The following BRINP3 variants were observed in gnomAD, a reference collection of about 807,000 sequenced individuals.
BRINP3 encodes BMP/retinoic acid-inducible neural-specific protein 3.
Under a neutral mutation model 71.0 loss-of-function variants are expected in BRINP3, and 19 were observed. The observed-to-expected ratio is 0.27, with a 90% CI of 0.19 to 0.39. The LOEUF (loss-of-function observed/expected upper bound fraction) is 0.39. BRINP3 is among the 10% of genes least tolerant of loss of function. The pLI is 1.00. For missense variants in BRINP3, 959 were observed against 940.8 expected (o/e 1.02, Z -0.25); for synonymous variants, 380 against 337.7 (o/e 1.13, Z -1.37).
Position 190,419,384 on chromosome 1 carries a change from A to C in BRINP3, c.236+35271T>G, listed in dbSNP as rs184538298. Among the ~76,000 whole-genome samples, 573 of 152,196 alleles carry C rather than the reference A, an allele frequency of 3.8e-3. 4 individuals carry two copies. The highest frequency in any genetic ancestry group is 0.013 in the African/African-American group (554 of 41,554). ...AAACATAAAATGTATATGAATTTTA[A>C]GTTTAAATTATTGGTCACATTTATC... On this transcript the variant is annotated intron_variant, in intron 2 of 7. Transcript: ENST00000367462.
At chr1:190,359,206 C>A (rs1344744406) in intron 2 of BRINP3, among the ~76,000 whole-genome samples, 1 of 151,672 alleles carries the variant, frequency 6.6e-6, no homozygotes, top group Non-Finnish European at 1.5e-5. Context: ...GCTATTAAAA[C>A]AAACAAACAA....
At chr1:190,403,464 A>G (rs566364018) in intron 2 of BRINP3, among the ~76,000 whole-genome samples, 25 of 152,340 alleles carry the variant, frequency 1.6e-4, no homozygotes, top group African/African-American at 5.5e-4. Context: ...ATGCCTGGCA[A>G]CATTATGTAT....
At chr1:190,229,329 A>G (rs919049624) in intron 5 of BRINP3, among the ~76,000 whole-genome samples, 1 of 151,970 alleles carries the variant, frequency 6.6e-6, no homozygotes, top group Non-Finnish European at 1.5e-5. Context: ...CCTCCCCTGC[A>G]CAAACTCTCT....
intron 2 of BRINP3, among the ~76,000 whole-genome samples, chr1:190,441,593 T>A (rs1674823812): frequency 6.6e-6 from 1 of 152,144 alleles, no homozygotes; most frequent in Non-Finnish European, 1.5e-5. Context: ...TGCAAATGAA[T>A]ACATAGGAGC....
chr1:190,391,916 G>C (rs975875625), intron 2 of BRINP3, among the ~76,000 whole-genome samples: 1 of 151,710 alleles, frequency 6.6e-6, no homozygotes. Context: ...GTTTGCAAAA[G>C]CCATCATTTT....
chr1:190,416,003 T>A (rs1266156113), intron 2 of BRINP3, among the ~76,000 whole-genome samples: 1 of 152,216 alleles, frequency 6.6e-6, no homozygotes, highest in Non-Finnish European at 1.5e-5. Flanking sequence ...TTTCTTCTAC[T>A]GTGTCTCAGC....
chr1:190,360,965 A>T (rs1269985936), intron 2 of BRINP3, among the ~76,000 whole-genome samples: 1 of 152,156 alleles, frequency 6.6e-6, no homozygotes, highest in African/African-American at 2.4e-5. Context: ...GGAAAGTGTC[A>T]CCAAACACTT....
chr1:190,255,039 T>TC (rs1660526143), intron 4 of BRINP3, among the ~76,000 whole-genome samples: 2 of 151,992 alleles, frequency 1.3e-5, no homozygotes, highest in Admixed American at 1.3e-4. Flanking sequence ...CATGTGGTTT[T>TC]TTTTTTCATT....
intron 2 of BRINP3, among the ~76,000 whole-genome samples, chr1:190,446,739 G>A (rs1338314522): frequency 2.0e-5 from 3 of 152,046 alleles, no homozygotes; most frequent in Non-Finnish European, 4.4e-5. Flanking sequence ...AGGAGACTGA[G>A]GTCTGAGAAA....
chr1:190,455,089 T>G, intron 1 of BRINP3, 149 bp from the exon 2 acceptor site: 1 of 493,144 alleles, frequency 2.0e-6, no homozygotes, highest in Non-Finnish European at 3.6e-6. Context: ...ACCAAAATTA[T>G]TTTTTTAGAG....
At chr1:190,313,862 G>T (rs1247771285) in intron 2 of BRINP3, among the ~76,000 whole-genome samples, 1 of 151,960 alleles carries the variant, frequency 6.6e-6, no homozygotes, top group Non-Finnish European at 1.5e-5. Context: ...CTCTTATGTG[G>T]ATAATTGGTG....
At chr1:190,333,135 G>T (rs1405767807) in intron 2 of BRINP3, among the ~76,000 whole-genome samples, 1 of 151,852 alleles carries the variant, frequency 6.6e-6, no homozygotes, top group Non-Finnish European at 1.5e-5. Context: ...TTGAAAAAAT[G>T]ATCTTATTTA....
At chr1:190,299,168 T>G (rs1245548328) in intron 2 of BRINP3, among the ~76,000 whole-genome samples, 1 of 152,122 alleles carries the variant, frequency 6.6e-6, no homozygotes. Flanking sequence ...TTCCAGTCTT[T>G]ACTTCTACCT....
intron 2 of BRINP3, among the ~76,000 whole-genome samples, chr1:190,300,156 G>T (rs1020038566): frequency 6.6e-5 from 10 of 152,024 alleles, no homozygotes; most frequent in Admixed American, 5.9e-4. Flanking sequence ...TTCCAACTTG[G>T]TTCCATTCTC....
chr1:190,388,915 A>T (rs1166974942), intron 2 of BRINP3, among the ~76,000 whole-genome samples: 1 of 151,790 alleles, frequency 6.6e-6, no homozygotes, highest in South Asian at 2.1e-4. Flanking sequence ...TAGATAGGAA[A>T]GATGTCCCTG....
At chr1:190,406,292 A>G (rs1277158720) in intron 2 of BRINP3, among the ~76,000 whole-genome samples, 1 of 152,212 alleles carries the variant, frequency 6.6e-6, no homozygotes, top group Non-Finnish European at 1.5e-5. Context: ...TCACTGAGAA[A>G]TCAGCAAAGA....
At chr1:190,219,097 A>G (rs1656653447) in intron 6 of BRINP3, among the ~76,000 whole-genome samples, 1 of 152,146 alleles carries the variant, frequency 6.6e-6, no homozygotes, top group African/African-American at 2.4e-5. Flanking sequence ...AAGCAGACCT[A>G]GCAGTAAAGA....
intron 7 of BRINP3, among the ~76,000 whole-genome samples, chr1:190,154,788 A>G (rs1656718045): frequency 6.6e-6 from 1 of 152,136 alleles, no homozygotes. Context: ...AACTTTTGCC[A>G]TTATTTTAGT....
At chr1:190,225,389 C>T (rs1284482177) in intron 6 of BRINP3, among the ~76,000 whole-genome samples, 1 of 151,822 alleles carries the variant, frequency 6.6e-6, no homozygotes, top group East Asian at 1.9e-4. Flanking sequence ...GACAAATATT[C>T]TAACCCACAT....
Sources: gnomAD v4.1 joint callset for allele counts (sites outside exome capture counted in the v4.1 genomes callset) on GRCh38, gnomAD v4.1.1 for gene constraint, MANE v1.5 for transcripts, NCBI Gene and HGNC (gene_info 2026-07-23, HGNC 2026-07-21) for gene names.